DENND1A: variants seen among roughly 807,000 people sequenced by gnomAD.
DENND1A encodes the protein DENN domain containing 1A.
A neutral mutation model predicts 113.7 loss-of-function variants in DENND1A; 51 were observed. That is an observed-to-expected ratio of 0.45 (90% confidence interval 0.36 to 0.57). The LOEUF (loss-of-function observed/expected upper bound fraction) is 0.57, where lower values mean the gene tolerates loss of function less well. DENND1A is among the 20% of genes least tolerant of loss of function. DENND1A has a pLI of 0.00. For synonymous variants in DENND1A, 565 were observed against 570.8 expected, an observed-to-expected ratio of 0.99 and a Z score of 0.14; for missense variants, 1,258 against 1,395.9, an observed-to-expected ratio of 0.90 and a Z score of 1.57.
At position 123,716,927 on chromosome 9, in the gene DENND1A, C is replaced by G. The variant is rs191706089; in HGVS notation, c.303-40138G>C. Among the ~76,000 whole-genome samples, 458 of 152,242 alleles carry G rather than the reference C, an allele frequency of 3.0e-3. 2 individuals carry two copies. Among genetic ancestry groups the G allele is most frequent in the Non-Finnish European group, 5.1e-3 (350 of 68,022 alleles). ...GCCCACCTTACTATAACCACATGAACCGTTAAGTGCAAATGACTAATCTAG... is the reference window on the plus strand; with the variant it reads ...GCCCACCTTACTATAACCACATGAAGCGTTAAGTGCAAATGACTAATCTAG... On this transcript the variant is annotated intron_variant, in intron 5 of 23. Coordinates refer to ENST00000394215, the MANE Select transcript of DENND1A (RefSeq NM_001352964.2).
At chr9:123,502,888 G>A (rs1239432078) in intron 13 of DENND1A, among the ~76,000 whole-genome samples, 1 of 152,200 alleles carries the variant, frequency 6.6e-6, no homozygotes, top group Non-Finnish European at 1.5e-5. Context: ...AAACATTTCT[G>A]AGCAACATGA....
At chr9:123,737,680 A>G (rs1251922289) in intron 5 of DENND1A, among the ~76,000 whole-genome samples, 2 of 152,030 alleles carry the variant, frequency 1.3e-5, no homozygotes, top group Non-Finnish European at 1.5e-5. Flanking sequence ...AAATTTCAAA[A>G]TCCACTCTTT....
chr9:123,639,589 C>T (rs2061916109), intron 9 of DENND1A, among the ~76,000 whole-genome samples: 1 of 151,506 alleles, frequency 6.6e-6, no homozygotes, highest in Admixed American at 6.6e-5. Flanking sequence ...ACTAGCCTGA[C>T]CAACATGGAA....
At chr9:123,865,614 T>C (rs1359276837) in intron 2 of DENND1A, among the ~76,000 whole-genome samples, 1 of 152,258 alleles carries the variant, frequency 6.6e-6, no homozygotes, top group East Asian at 1.9e-4. Context: ...TTCATGTTTT[T>C]CTTCATGATA....
chr9:123,895,721 T>C (rs1279011057), intron 1 of DENND1A, among the ~76,000 whole-genome samples: 2 of 152,088 alleles, frequency 1.3e-5, no homozygotes, highest in African/African-American at 2.4e-5. Context: ...AAACTCACTT[T>C]CTCCTTGAAG....
At chr9:123,735,738 C>T (rs2068513183) in intron 5 of DENND1A, among the ~76,000 whole-genome samples, 1 of 152,202 alleles carries the variant, frequency 6.6e-6, no homozygotes, top group Non-Finnish European at 1.5e-5. Context: ...GTGGCTCACA[C>T]CTATAATCCC....
At chr9:123,703,577 A>G (rs1243873456) in intron 5 of DENND1A, among the ~76,000 whole-genome samples, 1 of 152,170 alleles carries the variant, frequency 6.6e-6, no homozygotes, top group Non-Finnish European at 1.5e-5. Flanking sequence ...TAAGAGAGGA[A>G]GAAAGAAAGG....
chr9:123,762,385 T>A (rs913747802), intron 4 of DENND1A, among the ~76,000 whole-genome samples: 1 of 152,318 alleles, frequency 6.6e-6, no homozygotes, highest in East Asian at 1.9e-4. Flanking sequence ...TAAACCTTCA[T>A]GCTTCCTTTT....
At chr9:123,598,853 C>T (rs1419987183) in intron 11 of DENND1A, among the ~76,000 whole-genome samples, 14 of 152,280 alleles carry the variant, frequency 9.2e-5, no homozygotes, top group South Asian at 2.1e-4. Context: ...TTGGAAACAA[C>T]GGACTCCTAG....
At chr9:123,678,075 C>T (rs6478628) in intron 5 of DENND1A, among the ~76,000 whole-genome samples, 8,629 of 152,208 alleles carry the variant, frequency 0.057, 873 homozygotes, top group African/African-American at 0.2. Flanking sequence ...ACTTCATGTG[C>T]CCTAATTCTC....
chr9:123,791,000 A>C (rs1832914180), intron 3 of DENND1A, among the ~76,000 whole-genome samples: 1 of 152,178 alleles, frequency 6.6e-6, no homozygotes, highest in Admixed American at 6.6e-5. Flanking sequence ...TGTCATGAAC[A>C]TATTACCCAT....
At chr9:123,821,044 A>G (rs1483302215) in intron 2 of DENND1A, among the ~76,000 whole-genome samples, 1 of 152,272 alleles carries the variant, frequency 6.6e-6, no homozygotes, top group Non-Finnish European at 1.5e-5. Context: ...AGATGTGAAT[A>G]CTGACAAGCT....
chr9:123,391,785 C>T (rs1371855677), intron 21 of DENND1A, among the ~76,000 whole-genome samples: 2 of 115,670 alleles, frequency 1.7e-5, no homozygotes, highest in African/African-American at 3.0e-5. Flanking sequence ...AAAAAAGCAC[C>T]TTTTCCCTCA....
chr9:123,692,727 C>T (rs541269982), intron 5 of DENND1A, among the ~76,000 whole-genome samples: 1 of 152,304 alleles, frequency 6.6e-6, no homozygotes, highest in South Asian at 2.1e-4. Context: ...TGGATGGTAA[C>T]ATTTTTACCT....
At chr9:123,870,181 T>C (rs1043490010) in intron 2 of DENND1A, among the ~76,000 whole-genome samples, 2 of 152,118 alleles carry the variant, frequency 1.3e-5, no homozygotes, top group Non-Finnish European at 2.9e-5. Context: ...ACATATCCCC[T>C]GATTTTCTGT....
rs1250962368 is a variant in DENND1A, at chr9:123,764,553, C to T, written c.182+4961G>A. ...TCCAAGTGGTGAGAATGACATGGAC[C>T]CAAAATATGAGGGGACCAACAGTAA... On this transcript the variant is annotated intron_variant, in intron 4 of 23. Coordinates refer to ENST00000394215, the MANE Select transcript of DENND1A (RefSeq NM_001352964.2). The surrounding 1 kb of genome is among the most constrained non-coding windows in gnomAD (Gnocchi z 4.1). Among the ~76,000 whole-genome samples the T allele has an allele frequency of 1.3e-5, 2 of 152,092 alleles. No homozygotes were observed. Among genetic ancestry groups the T allele is most frequent in the Non-Finnish European group, 1.5e-5 (1 of 68,020 alleles).
intron 10 of DENND1A, among the ~76,000 whole-genome samples, chr9:123,609,926 G>A (rs929180079): frequency 6.6e-6 from 1 of 152,208 alleles, no homozygotes; most frequent in Non-Finnish European, 1.5e-5. Context: ...AGGGCATAAT[G>A]TGTTTCAAAG....
chr9:123,388,323 T>G (rs1286014659), intron 21 of DENND1A, among the ~76,000 whole-genome samples: 1 of 152,058 alleles, frequency 6.6e-6, no homozygotes. Context: ...TATGGAAAAA[T>G]TCATAGAAAA....
chr9:123,880,320 A>G (rs1054222126), intron 1 of DENND1A, among the ~76,000 whole-genome samples: 1 of 152,198 alleles, frequency 6.6e-6, no homozygotes, highest in African/African-American at 2.4e-5. Flanking sequence ...TAAATTTTTA[A>G]AAGATCACAG....
Sources: gnomAD v4.1 joint callset for allele counts (sites outside exome capture counted in the v4.1 genomes callset) on GRCh38, gnomAD v4.1.1 for gene constraint, Gnocchi (gnomAD v3.1) non-coding constraint, MANE v1.5 for transcripts, NCBI Gene and HGNC (gene_info 2026-07-23, HGNC 2026-07-21) for gene names.